The following SLC34A2 variants were observed in gnomAD, a reference collection of about 807,000 sequenced individuals.
The protein encoded by SLC34A2 is solute carrier family 34 member 2, also known as sodium-dependent phosphate transport protein 2B.
Under a neutral mutation model 50.8 loss-of-function variants are expected in SLC34A2, and 41 were observed. The observed-to-expected ratio is 0.81, with a 90% confidence interval of 0.63 to 1.05. The LOEUF (loss-of-function observed/expected upper bound fraction) is 1.05, where lower values mean the gene tolerates loss of function less well. Ranked by LOEUF, SLC34A2 falls within the 50% of genes least tolerant of loss-of-function variation. SLC34A2 has a pLI of 0.00. For missense variants in SLC34A2, 879 were observed against 876.7 expected (o/e 1.00, Z -0.03); for synonymous variants, 401 against 364.2 (o/e 1.10, Z -1.15).
Position 25,674,416 on chromosome 4 carries a change from A to C in SLC34A2, c.1333+4A>C, listed in dbSNP as rs747574873. ...TCGGCCTTGACCCCCCTGATTGGTG[A>C]GTTACACCCTGGCTTCTCCCTCTGG... is the stretch of plus-strand genomic sequence containing the variant. On this transcript the variant is annotated splice_donor_region_variant and intron_variant, in intron 11 of 12. Coordinates refer to ENST00000382051, the MANE Select transcript of SLC34A2 (RefSeq NM_006424.3). The C allele has an allele frequency of 6.2e-7, 1 of 1,614,090 alleles. No homozygotes were observed. Among genetic ancestry groups the C allele is most frequent in the South Asian group, 1.1e-5 (1 of 91,088 alleles).
In SLC34A2 at chr4:25,676,275, G is replaced by C. The variant is rs750128588; in HGVS notation, c.1599G>C (p.Leu533=). 3.1e-6 allele frequency: 5 copies of C among 1,614,148 alleles called. No individual in the cohort carries two copies. The South Asian group carries it at 5.5e-5, about 18-fold the overall frequency. ...ATCGCTGGTTCGCCGTCTTCTACCT[G>C]ATCATCTTCTTCTTCCTGATCCCGC... ...AKYRWFAVFY[L]IIFFFLIPLT... Residue 533 remains leucine, a synonymous_variant, in exon 13 of 13, where the codon CTG becomes CTC. Coordinates refer to ENST00000382051, the MANE Select transcript of SLC34A2 (RefSeq NM_006424.3).
At chr4:25,673,612 C>G (rs1478467009) in intron 10 of SLC34A2, among the ~76,000 whole-genome samples, 1 of 152,142 alleles carries the variant, frequency 6.6e-6, no homozygotes, top group African/African-American at 2.4e-5. Flanking sequence ...CCCCACCTCC[C>G]TTCACTCTTG....
intron 12 of SLC34A2, among the ~76,000 whole-genome samples, chr4:25,674,977 T>A (rs1225530847): frequency 2.0e-5 from 3 of 152,226 alleles, no homozygotes; most frequent in African/African-American, 4.8e-5. Flanking sequence ...CTCCTTGGCA[T>A]GGACCATCTA....
At chr4:25,668,596 C>G (rs1386067480) in intron 6 of SLC34A2, among the ~76,000 whole-genome samples, 1 of 150,706 alleles carries the variant, frequency 6.6e-6, no homozygotes, top group Non-Finnish European at 1.5e-5. Flanking sequence ...GAGTCGAGAT[C>G]GTGCCACTGC....
chr4:25,672,882 C>T (rs573826348), intron 9 of SLC34A2, among the ~76,000 whole-genome samples: 19 of 152,254 alleles, frequency 1.2e-4, no homozygotes, highest in Non-Finnish European at 2.2e-4. Context: ...CAGCCTCATG[C>T]GATCCCACTG....
At chr4:25,673,946 G>A (rs1210682069) in intron 10 of SLC34A2, among the ~76,000 whole-genome samples, 1 of 152,196 alleles carries the variant, frequency 6.6e-6, no homozygotes, top group Non-Finnish European at 1.5e-5. Flanking sequence ...AATGAAGGTT[G>A]AAGGTCAAAT....
Position 25,666,250 on chromosome 4 carries a change from G to A in SLC34A2, c.502G>A (p.Val168Ile). 6.2e-7 allele frequency: 1 copy of A among 1,613,986 alleles called. No homozygotes were observed. The highest frequency in any genetic ancestry group is 8.5e-7 in the Non-Finnish European group (1 of 1,180,024). The change falls in exon 5 of 13, where the codon GTC (valine) becomes ATC (isoleucine). Residue 168 changes from valine to isoleucine, a missense_variant. Coordinates refer to ENST00000382051, the MANE Select transcript of SLC34A2 (RefSeq NM_006424.3). ...QSSSTSTSIV[V>I]SMVSSSLLTV... ...CTCCAGCACCTCAACGTCCATCGTTGTCAGCATGGTGTCCTCTTCATGTGA... is the reference window on the plus strand; with the variant it reads ...CTCCAGCACCTCAACGTCCATCGTTATCAGCATGGTGTCCTCTTCATGTGA...
At chr4:25,667,493 C>G (rs780116531) in intron 5 of SLC34A2, among the ~76,000 whole-genome samples, 40 of 152,116 alleles carry the variant, frequency 2.6e-4, no homozygotes, top group Non-Finnish European at 5.0e-4. Context: ...GCCTGGGAGA[C>G]AGAGCGAGAT....
At chr4:25,665,698 G>A (rs1205991761) in intron 4 of SLC34A2, among the ~76,000 whole-genome samples, 1 of 152,186 alleles carries the variant, frequency 6.6e-6, no homozygotes, top group African/African-American at 2.4e-5. Context: ...ACTCTTGGAG[G>A]ATAAATCTGA....
intron 12 of SLC34A2, 27 bp from the exon 13 acceptor site, chr4:25,676,108 T>C: frequency 6.2e-7 from 1 of 1,613,312 alleles, no homozygotes; most frequent in Non-Finnish European, 8.5e-7. Flanking sequence ...AACAGGCCCC[T>C]CACCTGTCCA....
chr4:25,671,605 A>C lies in SLC34A2; in HGVS notation c.932A>C (p.Gln311Pro). The C allele has an allele frequency of 6.2e-7, 1 of 1,614,146 alleles. No homozygotes were observed. Among genetic ancestry groups the C allele is most frequent in the Non-Finnish European group, 8.5e-7 (1 of 1,180,020 alleles). The stretch of plus-strand genomic sequence containing the variant: ...TTTGTCATGTTTGTCATCCAGACCC[A>C]GATTAACGTCACTGTTCCCTCGACT... Reference protein sequence around the residue: ...IWCKTFTNKTQINVTVPSTAN... With the variant: ...IWCKTFTNKTPINVTVPSTAN... Residue 311 changes from glutamine to proline, a missense_variant, in exon 9 of 13, where the codon CAG becomes CCG. By Grantham distance (76) the Gln-to-Pro change is moderately conservative. Coordinates refer to ENST00000382051, the MANE Select transcript of SLC34A2 (RefSeq NM_006424.3).
In SLC34A2 at chr4:25,668,648, A is replaced by T. The variant is rs111722739; in HGVS notation, c.635+657A>T. On this transcript the variant is annotated intron_variant, in intron 6 of 12. Transcript: ENST00000382051. ...CAGAGTGAGACTCCATCTAAAAAAA[A>T]AAAAAAAAATAAATAAATACTGTTT... Among the ~76,000 whole-genome samples, 55 of 151,918 alleles carry T rather than the reference A, an allele frequency of 3.6e-4. 2 individuals carry two copies. The highest frequency in any genetic ancestry group is 1.2e-3 in the African/African-American group (49 of 41,488).
At chr4:25,656,157 C>G (rs1291011758) in intron 1 of SLC34A2, among the ~76,000 whole-genome samples, 1 of 152,188 alleles carries the variant, frequency 6.6e-6, no homozygotes, top group Admixed American at 6.5e-5. Context: ...AAAATGATCA[C>G]TGTTTTGAGA....
chr4:25,667,156 T>C (rs1714542992), intron 5 of SLC34A2: 1 of 152,338 alleles, frequency 6.6e-6, no homozygotes, highest in South Asian at 2.1e-4. Flanking sequence ...TGCAGCAATA[T>C]GCTGATTTTG....
intron 3 of SLC34A2, 147 bp from the exon 4 acceptor site, chr4:25,664,055 T>C (rs144219608): frequency 3.8e-5 from 30 of 793,306 alleles, no homozygotes; most frequent in African/African-American, 3.6e-4. Flanking sequence ...TCTGTAAGGC[T>C]GGCTAGACAT....
intron 5 of SLC34A2, 85 bp from the exon 6 acceptor site, chr4:25,667,795 C>A: frequency 2.3e-6 from 2 of 858,970 alleles, no homozygotes; most frequent in South Asian, 1.4e-5. Flanking sequence ...AAAACTACTT[C>A]TTTAGAGGAT....
chr4:25,662,844 T>C lies in SLC34A2; in HGVS notation c.250+2T>C. Reference sequence around the variant, plus strand: ...AGGACTCGGGGATCAAGTGGTCAGGTAAAAGTGAGGCCAGCTGAGACATTC... The same window carrying C: ...AGGACTCGGGGATCAAGTGGTCAGGCAAAAGTGAGGCCAGCTGAGACATTC... On this transcript the variant is annotated splice_donor_variant, in intron 3 of 12. Coordinates refer to ENST00000382051, the MANE Select transcript of SLC34A2 (RefSeq NM_006424.3). LOFTEE classifies it high-confidence loss of function. 1.2e-6 allele frequency: 2 copies of C among 1,614,010 alleles called. No individual in the cohort carries two copies. Among genetic ancestry groups the C allele is most frequent in the Non-Finnish European group, 1.7e-6 (2 of 1,179,976 alleles).
intron 10 of SLC34A2, 81 bp from the exon 11 acceptor site, chr4:25,674,215 C>G: frequency 1.0e-6 from 1 of 987,236 alleles, no homozygotes; most frequent in Non-Finnish European, 1.6e-6. Context: ...CAACCTCACC[C>G]CTAAGCCCAG....
intron 4 of SLC34A2, 131 bp from the exon 5 acceptor site, chr4:25,665,997 C>A: frequency 1.8e-6 from 2 of 1,087,020 alleles, no homozygotes; most frequent in Middle Eastern, 2.0e-4. Flanking sequence ...TGGGTGCCTG[C>A]AGCGATGGAG....
Sources: allele counts gnomAD v4.1 joint callset (sites outside exome capture counted in the v4.1 genomes callset), GRCh38; gene constraint gnomAD v4.1.1; transcripts MANE v1.5; gene names NCBI Gene and HGNC (gene_info 2026-07-23, HGNC 2026-07-21).